The following CRIM1 variants were observed in gnomAD, a reference collection of about 807,000 sequenced individuals.
CRIM1 encodes cysteine rich transmembrane BMP regulator 1, also known as cysteine-rich motor neuron 1 protein.
Under a neutral mutation model 116.4 loss-of-function variants are expected in CRIM1, and 32 were observed. That is an observed-to-expected ratio of 0.27 (90% CI 0.21 to 0.37). The LOEUF is 0.37. Ranked by LOEUF, CRIM1 falls within the 10% of genes least tolerant of loss-of-function variation. The probability of loss-of-function intolerance (pLI) is 1.00; values close to 1 mark genes in which losing one functional copy is unlikely to be tolerated. For missense variants in CRIM1, 1,331 were observed against 1,354.8 expected (o/e 0.98, Z 0.28); for synonymous variants, 590 against 509.2 (o/e 1.16, Z -2.13).
intron 7 of CRIM1, among the ~76,000 whole-genome samples, chr2:36,482,445 C>G (rs1679493322): frequency 6.6e-6 from 1 of 152,154 alleles, no homozygotes; most frequent in Admixed American, 6.5e-5. Context: ...GTGAATGGAT[C>G]TTACTGCTTA....
intron 4 of CRIM1, among the ~76,000 whole-genome samples, chr2:36,453,677 T>A (rs1676907075): frequency 6.6e-6 from 1 of 152,242 alleles, no homozygotes; most frequent in African/African-American, 2.4e-5. Flanking sequence ...CGCTGATGTC[T>A]AAGAGCATAT....
At chr2:36,468,901 A>C (rs1678263314) in intron 5 of CRIM1, among the ~76,000 whole-genome samples, 1 of 152,192 alleles carries the variant, frequency 6.6e-6, no homozygotes, top group South Asian at 2.1e-4. Flanking sequence ...GATAAAATGG[A>C]ATATCTTGGT....
rs150102596 is a variant in CRIM1, at chr2:36,371,286, C to T, written c.331+14663C>T. ...CCCATCCCCCAGTGACCATAAATAG[C>T]ACTTTCTCCTTCCCCTGTTATAGCA... On this transcript the variant is annotated intron_variant, in intron 1 of 16. Transcript: ENST00000280527. 2.5e-3 allele frequency among the ~76,000 whole-genome samples: 374 copies of T among 152,118 alleles called. 3 individuals carry two copies. Among genetic ancestry groups the T allele is most frequent in the Non-Finnish European group, 2.0e-3 (139 of 68,024 alleles).
chr2:36,535,058 T>G (rs1367503449), intron 13 of CRIM1, among the ~76,000 whole-genome samples: 1 of 149,426 alleles, frequency 6.7e-6, no homozygotes, highest in Non-Finnish European at 1.5e-5. Flanking sequence ...TTCCCATCAT[T>G]ATTCTCATGT....
Position 36,544,504 on chromosome 2 carries a change from C to T in CRIM1, c.2746+6C>T. 1 of 1,328,104 alleles carries T rather than the reference C, an allele frequency of 7.5e-7. No homozygotes were observed. Among genetic ancestry groups the T allele is most frequent in the African/African-American group, 1.5e-5 (1 of 66,674 alleles). 82.3% of individuals were successfully genotyped at this position (1,328,104 alleles called of 1,614,324 possible). ...TATCGTCCATCTCCCTAGAGGTAAG[C>T]ATTGAAGGCAGCTGAGATCTGCTAG... is the stretch of plus-strand genomic sequence containing the variant. On this transcript the variant is annotated splice_donor_region_variant and intron_variant, in intron 15 of 16. Coordinates refer to ENST00000280527, the MANE Select transcript of CRIM1 (RefSeq NM_016441.3).
chr2:36,385,047 T>C (rs1162219550), intron 1 of CRIM1, among the ~76,000 whole-genome samples: 1 of 148,726 alleles, frequency 6.7e-6, no homozygotes, highest in Non-Finnish European at 1.5e-5. Context: ...GAGTGTGTAG[T>C]AGGAATAAAT....
At chr2:36,427,466 T>A (rs1047436405) in intron 2 of CRIM1, among the ~76,000 whole-genome samples, 2 of 152,100 alleles carry the variant, frequency 1.3e-5, no homozygotes, top group African/African-American at 4.8e-5. Flanking sequence ...CATGGCAGCA[T>A]GAGAGGGTCT....
chr2:36,365,724 A>T (rs1212230675), intron 1 of CRIM1, among the ~76,000 whole-genome samples: 1 of 149,688 alleles, frequency 6.7e-6, no homozygotes, highest in Non-Finnish European at 1.5e-5. Flanking sequence ...CAGAACTATG[A>T]ACTATGTTTG....
At chr2:36,362,985 G>A (rs985474243) in intron 1 of CRIM1, among the ~76,000 whole-genome samples, 3 of 151,988 alleles carry the variant, frequency 2.0e-5, no homozygotes, top group African/African-American at 4.8e-5. Flanking sequence ...ATCGCCTGAG[G>A]TCAGGAGTTC....
chr2:36,376,707 T>G (rs776121795), intron 1 of CRIM1, among the ~76,000 whole-genome samples: 1 of 152,342 alleles, frequency 6.6e-6, no homozygotes, highest in Non-Finnish European at 1.5e-5. Flanking sequence ...CTGGATCTCC[T>G]TTAGTGGGCA....
chr2:36,386,785 A>T (rs1032677408), intron 1 of CRIM1, among the ~76,000 whole-genome samples: 1 of 152,234 alleles, frequency 6.6e-6, no homozygotes, highest in Non-Finnish European at 1.5e-5. Context: ...TAGAAGTCCT[A>T]CACTGGAAAT....
At position 36,454,000 on chromosome 2, in the gene CRIM1, G is replaced by T. The variant is rs1191213786; in HGVS notation, c.870-10534G>T. On this transcript the variant is annotated intron_variant, in intron 4 of 16. Transcript: ENST00000280527. ...AAAAAGGGAATTCATGACAATGTTG[G>T]GTTTTCTTGAGATAACCACTCCATT... is the stretch of plus-strand genomic sequence containing the variant. Among the ~76,000 whole-genome samples the T allele has an allele frequency of 2.6e-5, 4 of 152,130 alleles. No homozygotes were observed. In the East Asian group the frequency reaches 7.7e-4, roughly 29 times the overall value.
intron 1 of CRIM1, among the ~76,000 whole-genome samples, chr2:36,395,010 C>CTTTTTTTTTTTTTTTTTT (rs772105466): frequency 8.8e-6 from 1 of 113,442 alleles, no homozygotes; most frequent in Admixed American, 9.0e-5. Flanking sequence ...TTTGTACTGT[C>CTTTTTTTTTTTTTTTTTT]TTTTTTTTTT....
intron 8 of CRIM1, among the ~76,000 whole-genome samples, chr2:36,506,062 C>T (rs1338112082): frequency 1.3e-5 from 2 of 151,956 alleles, no homozygotes; most frequent in East Asian, 3.9e-4. Context: ...GTGGCCACAG[C>T]CCATCCCAGC....
chr2:36,486,872 T>C (rs1257938033), intron 7 of CRIM1, among the ~76,000 whole-genome samples: 2 of 152,106 alleles, frequency 1.3e-5, no homozygotes, highest in Non-Finnish European at 2.9e-5. Flanking sequence ...ATAAACACAA[T>C]CTCTTTTGAG....
chr2:36,535,611 A>G (rs1449012419), intron 13 of CRIM1, among the ~76,000 whole-genome samples: 1 of 152,212 alleles, frequency 6.6e-6, no homozygotes, highest in Non-Finnish European at 1.5e-5. Context: ...TGACAACATA[A>G]GAGATGATGC....
intron 1 of CRIM1, among the ~76,000 whole-genome samples, chr2:36,364,981 T>G (rs1193205766): frequency 6.6e-6 from 1 of 152,180 alleles, no homozygotes; most frequent in African/African-American, 2.4e-5. Flanking sequence ...GTTTAAAAAT[T>G]TACCTTGTGG....
At chr2:36,442,577 A>T (rs779040332) in intron 3 of CRIM1, 38 bp from the exon 4 acceptor site, 1 of 1,613,078 alleles carries the variant, frequency 6.2e-7, no homozygotes, top group East Asian at 2.2e-5. Flanking sequence ...GCAAGTAAAT[A>T]TAACAATAAA....
chr2:36,460,481 G>A (rs997799420), intron 4 of CRIM1, among the ~76,000 whole-genome samples: 8 of 152,210 alleles, frequency 5.3e-5, no homozygotes, highest in African/African-American at 1.9e-4. Flanking sequence ...ACAACCTTGT[G>A]AGTATAAAAC....
Sources: gnomAD v4.1 joint callset for allele counts (sites outside exome capture counted in the v4.1 genomes callset) on GRCh38, gnomAD v4.1.1 for gene constraint, MANE v1.5 for transcripts, NCBI Gene and HGNC (gene_info 2026-07-23, HGNC 2026-07-21) for gene names.